IQSEC1: variants seen among roughly 807,000 people sequenced by gnomAD.
The protein encoded by IQSEC1 is IQ motif and SEC7 domain-containing protein 1.
Under a neutral mutation model 91.0 loss-of-function variants are expected in IQSEC1, and 31 were observed. The ratio of observed to expected loss-of-function variants is 0.34; its 90% CI spans 0.26 to 0.46. The LOEUF is 0.46. IQSEC1 is among the 20% of genes least tolerant of loss of function. The pLI, the probability that IQSEC1 is intolerant of heterozygous loss-of-function variation, is 1.00. For missense variants in IQSEC1, 1,388 were observed against 1,575.6 expected (o/e 0.88, Z 2.02); for synonymous variants, 699 against 662.6 (o/e 1.05, Z -0.84).
At chr3:12,956,991 A>G (rs1395083484) in intron 1 of IQSEC1, among the ~76,000 whole-genome samples, 2 of 152,214 alleles carry the variant, frequency 1.3e-5, no homozygotes, top group Non-Finnish European at 2.9e-5. Context: ...GCCAGAGAGG[A>G]AAGGCTCAAC....
chr3:13,271,623 C>T (rs1429100963), intron 1 of IQSEC1, among the ~76,000 whole-genome samples: 1 of 151,850 alleles, frequency 6.6e-6, no homozygotes, highest in Admixed American at 6.6e-5. Context: ...AAGCAAGACA[C>T]CATCTCTACA....
At chr3:13,111,570 T>G (rs1377587290) in intron 2 of IQSEC1, among the ~76,000 whole-genome samples, 1 of 152,196 alleles carries the variant, frequency 6.6e-6, no homozygotes, top group Non-Finnish European at 1.5e-5. Context: ...GGACTGAATG[T>G]TTGTGTTCCT....
chr3:13,198,106 G>A (rs1262257943), intron 1 of IQSEC1, among the ~76,000 whole-genome samples: 1 of 152,182 alleles, frequency 6.6e-6, no homozygotes, highest in African/African-American at 2.4e-5. Flanking sequence ...GTGTGAAGAG[G>A]TGCTGAGCTC....
At chr3:13,264,605 G>A (rs773546) in intron 1 of IQSEC1, among the ~76,000 whole-genome samples, 113,560 of 151,822 alleles carry the variant, frequency 0.75, 43,155 homozygotes, top group East Asian at 0.98. Context: ...TGGCATCTCC[G>A]GGCTCTAGCA....
At chr3:13,080,787 G>C (rs1705636095) in intron 2 of IQSEC1, among the ~76,000 whole-genome samples, 2 of 152,176 alleles carry the variant, frequency 1.3e-5, no homozygotes, top group African/African-American at 2.4e-5. Context: ...CGCTGTTCCA[G>C]GGGATCTGCC....
intron 1 of IQSEC1, among the ~76,000 whole-genome samples, chr3:13,209,427 C>T (rs777131941): frequency 1.2e-4 from 19 of 152,222 alleles, no homozygotes; most frequent in Non-Finnish European, 2.2e-4. Context: ...ATATTTGCTG[C>T]ACAGCTGCAG....
chr3:13,090,921 C>A (rs763163993), intron 2 of IQSEC1, among the ~76,000 whole-genome samples: 1 of 152,176 alleles, frequency 6.6e-6, no homozygotes, highest in Non-Finnish European at 1.5e-5. Context: ...AAGCCCTGTG[C>A]GGAATTTGAA....
intron 1 of IQSEC1, among the ~76,000 whole-genome samples, chr3:12,958,386 T>G (rs1700048414): frequency 6.6e-6 from 1 of 152,196 alleles, no homozygotes; most frequent in African/African-American, 2.4e-5. Flanking sequence ...TGTGTGGCCC[T>G]GGGCAAATGA....
rs148330948 is a variant in IQSEC1 at position 12,997,835 on chromosome 3, G to A, written c.24-55970C>T. On this transcript the variant is annotated intron_variant, in intron 1 of 13. Coordinates refer to ENST00000613206, the MANE Select transcript of IQSEC1 (RefSeq NM_001134382.3). ...TCTAAACATAACATAGAAAAGGTACGGTAAAAATATGGTATTATCATCTTA... is the reference window on the plus strand; with the variant it reads ...TCTAAACATAACATAGAAAAGGTACAGTAAAAATATGGTATTATCATCTTA... 1.1e-3 allele frequency among the ~76,000 whole-genome samples: 173 copies of A among 152,232 alleles called. 1 individual carries two copies. The highest frequency in any genetic ancestry group is 3.9e-3 in the African/African-American group (161 of 41,534).
rs1229761503 is a variant in IQSEC1, at chr3:12,899,723, C to T, written c.*1260G>A. The T allele has an allele frequency of 4.1e-6, 4 of 985,326 alleles. No homozygotes were observed. Among genetic ancestry groups the T allele is most frequent in the Admixed American group, 6.1e-5 (1 of 16,270 alleles). 61.0% of individuals were successfully genotyped at this position (985,326 alleles called of 1,614,324 possible). A position where few individuals can be genotyped will look rare whatever the true frequency, so the allele number is the denominator to read the frequency against. ...CTCAGAAAACAAAACGGGAAACACA[C>T]ACACCGCCCTGGGTTGCTAAACGCT... On this transcript the variant is annotated 3_prime_UTR_variant, in exon 14 of 14. Coordinates refer to ENST00000613206, the MANE Select transcript of IQSEC1 (RefSeq NM_001134382.3).
At chr3:13,116,705 A>AT (rs1706341359) in intron 2 of IQSEC1, among the ~76,000 whole-genome samples, 1 of 152,202 alleles carries the variant, frequency 6.6e-6, no homozygotes. Context: ...GTTCAAGACC[A>AT]GCCTGGCCAA....
Position 12,992,852 on chromosome 3 carries a change from AC to A in IQSEC1, c.24-50988del, listed in dbSNP as rs1156250423. Among the ~76,000 whole-genome samples the A allele has an allele frequency of 6.6e-6, 1 of 152,198 alleles. No homozygotes were observed. The highest frequency in any genetic ancestry group is 1.5e-5 in the Non-Finnish European group (1 of 68,016). ...GAGAGCTTGGCAATTTAAAGTGACA[AC>A]TGCCTGGCAGAAACATGGGAGGGGA... On this transcript the variant is annotated intron_variant, in intron 1 of 13. Transcript: ENST00000613206. This position sits in a 1 kb window ranked among gnomAD's most constrained non-coding sequence, Gnocchi z 4.1.
At chr3:13,278,257 C>CA (rs889976451) in intron 1 of IQSEC1, among the ~76,000 whole-genome samples, 4 of 152,124 alleles carry the variant, frequency 2.6e-5, no homozygotes, top group Admixed American at 6.5e-5. Flanking sequence ...TTCCCCCCCC[C>CA]ACCCCCAGCC....
chr3:13,245,267 A>G (rs909341663), intron 1 of IQSEC1, among the ~76,000 whole-genome samples: 2 of 152,164 alleles, frequency 1.3e-5, no homozygotes, highest in Admixed American at 1.3e-4. Context: ...CTCATCCTCC[A>G]GCAACCACAC....
At chr3:12,905,486 G>A (rs760646163) in intron 12 of IQSEC1, among the ~76,000 whole-genome samples, 3 of 152,264 alleles carry the variant, frequency 2.0e-5, no homozygotes, top group Admixed American at 6.5e-5. Context: ...TCCATGCATC[G>A]ACTCCTTCGC....
chr3:13,107,959 G>A (rs545806905), intron 2 of IQSEC1, among the ~76,000 whole-genome samples: 2 of 152,366 alleles, frequency 1.3e-5, no homozygotes, highest in South Asian at 2.1e-4. Flanking sequence ...AGAGGGCGCC[G>A]GGGAGCAGCC....
In IQSEC1 at chr3:12,940,683, G is replaced by A. The variant is rs1698665949; in HGVS notation, c.318+888C>T. On this transcript the variant is annotated intron_variant, in intron 2 of 13. Transcript: ENST00000613206. This position sits in a 1 kb window ranked among gnomAD's most constrained non-coding sequence, Gnocchi z 4.4. Reference sequence around the variant, plus strand: ...GCCCCTGCAAGCTTGCAGAACTGCTGCCTGGGAGCCCGGGTTCTCTTGAAG... The same window carrying A: ...GCCCCTGCAAGCTTGCAGAACTGCTACCTGGGAGCCCGGGTTCTCTTGAAG... 6.6e-6 allele frequency among the ~76,000 whole-genome samples: 1 copy of A among 152,126 alleles called. No individual in the cohort carries two copies. The highest frequency in any genetic ancestry group is 6.5e-5 in the Admixed American group (1 of 15,274).
Position 13,282,797 on chromosome 3 carries a change from G to A in IQSEC1, c.186C>T (p.Ala62=), listed in dbSNP as rs1177319242. The change falls in exon 1 of 16, where the codon GCC becomes GCT. Residue 62 remains alanine, a synonymous_variant. Coordinates refer to the IQSEC1 transcript ENST00000648114. The surrounding 1 kb of genome is among the most constrained non-coding windows in gnomAD (Gnocchi z 6.4). ...CCGGGTCGGGGCGGCGGGCGCACGC[G>A]GCCAGGTGTCGCCGGTGTCGCTCCA... 6.8e-6 allele frequency among the ~76,000 whole-genome samples: 1 copy of A among 147,670 alleles called. No homozygotes were observed. The highest frequency in any genetic ancestry group is 1.5e-5 in the Non-Finnish European group (1 of 66,236).
intron 1 of IQSEC1, among the ~76,000 whole-genome samples, chr3:13,170,787 A>G (rs896849368): frequency 1.3e-5 from 2 of 152,378 alleles, no homozygotes; most frequent in South Asian, 2.1e-4. Context: ...AAGATGGTCC[A>G]GCAGCCTTTT....
Sources: allele counts gnomAD v4.1 joint callset (sites outside exome capture counted in the v4.1 genomes callset), GRCh38; gene constraint gnomAD v4.1.1; non-coding constraint Gnocchi (gnomAD v3.1); transcripts MANE v1.5; gene names NCBI Gene and HGNC (gene_info 2026-07-23, HGNC 2026-07-21).